CYP2R1: variants seen among roughly 807,000 people sequenced by gnomAD.
The protein encoded by CYP2R1 is vitamin D 25-hydroxylase.
Under a neutral mutation model 45.7 loss-of-function variants are expected in CYP2R1, and 40 were observed. The ratio of observed to expected loss-of-function variants is 0.87; its 90% CI spans 0.68 to 1.14. CYP2R1 has a LOEUF of 1.14. CYP2R1 is among the 50% of genes most tolerant of loss of function. The pLI, the probability that CYP2R1 is intolerant of heterozygous loss-of-function variation, is 0.00. For synonymous variants in CYP2R1, 234 were observed against 219.3 expected (o/e 1.07, Z -0.59); for missense variants, 605 against 602.6 (o/e 1.00, Z -0.04).
intron 2 of CYP2R1, 133 bp downstream of exon 2, chr11:14,885,643 A>G: frequency 1.1e-6 from 1 of 951,726 alleles, no homozygotes; most frequent in East Asian, 2.6e-5. Flanking sequence ...GTCCTCAAAT[A>G]CTAGGTTCTG....
In CYP2R1 at chr11:14,880,206, A is replaced by T; in HGVS notation, c.930T>A (p.Ala310=). ...LIFSVGELII[A]GTETTTNVLR... ...GCACATTGGTTGTAGTTTCAGTTCC[A>T]GCAATGATGAGTTCACCCACTGAGA... Residue 310 remains alanine (A), a synonymous_variant, in exon 3 of 5, where the codon GCT becomes GCA. Transcript: ENST00000334636. The T allele has an allele frequency of 6.2e-7, 1 of 1,613,086 alleles. No homozygotes were observed. Among genetic ancestry groups the T allele is most frequent in the African/African-American group, 1.3e-5 (1 of 75,008 alleles).
chr11:14,890,396 GC>G lies in CYP2R1; in HGVS notation c.225+1584del, dbSNP rs1363388182. ...GAATAAACTCAATTCTGGGAGAATTGCAGGTTGGAAAATAAGATCTAAGAAT... is the reference window on the plus strand; with the variant it reads ...GAATAAACTCAATTCTGGGAGAATTGAGGTTGGAAAATAAGATCTAAGAAT... On this transcript the variant is annotated intron_variant, in intron 1 of 4. Coordinates refer to ENST00000334636, the MANE Select transcript of CYP2R1 (RefSeq NM_024514.5). 29 of 875,880 alleles carry G rather than the reference GC, an allele frequency of 3.3e-5. No individual in the cohort carries two copies. The Admixed American group carries it at 4.3e-4, about 13-fold the overall frequency. 54.3% of individuals were successfully genotyped at this position (875,880 alleles called of 1,614,324 possible). A position where few individuals can be genotyped will look rare whatever the true frequency, so the allele number is the denominator to read the frequency against.
At chr11:14,885,162 T>C (rs1848566792) in intron 2 of CYP2R1, among the ~76,000 whole-genome samples, 1 of 152,218 alleles carries the variant, frequency 6.6e-6, no homozygotes, top group Admixed American at 6.5e-5. Context: ...AAAATTCTTA[T>C]ACTATTAACT....
At chr11:14,891,624 G>T in intron 1 of CYP2R1, 1 of 1,075,776 alleles carries the variant, frequency 9.3e-7, no homozygotes, top group Non-Finnish European at 1.1e-6. Flanking sequence ...CAAGACGCCC[G>T]CACCTGAGGG....
chr11:14,888,310 G>A (rs1555015367), intron 1 of CYP2R1, among the ~76,000 whole-genome samples: 1 of 152,198 alleles, frequency 6.6e-6, no homozygotes, highest in Non-Finnish European at 1.5e-5. Context: ...ACCTAGGACA[G>A]TGCACAGCAT....
Position 14,877,893 on chromosome 11 carries a change from G to T in CYP2R1, c.*229C>A, listed in dbSNP as rs1848215470. On this transcript the variant is annotated 3_prime_UTR_variant, in exon 5 of 5. Coordinates refer to ENST00000334636, the MANE Select transcript of CYP2R1 (RefSeq NM_024514.5). ...GCATTTTAAGCAACACCCATCATTT[G>T]CACCTTTGTGTCTCTCAACAGAGAA... The T allele has an allele frequency of 5.9e-6, 3 of 512,718 alleles. No homozygotes were observed. The highest frequency in any genetic ancestry group is 1.0e-5 in the Non-Finnish European group (3 of 292,774). The allele number at this position is 512,718 out of a possible 1,614,324, so 31.8% of individuals were successfully genotyped here. A position where few individuals can be genotyped will look rare whatever the true frequency, so the allele number is the denominator to read the frequency against.
intron 1 of CYP2R1, 54 bp from the exon 2 acceptor site, chr11:14,885,971 T>C (rs782428542): frequency 7.0e-6 from 11 of 1,566,508 alleles, no homozygotes; most frequent in Non-Finnish European, 9.7e-6. Context: ...TGGAGAAATA[T>C]AACCATGGAA....
At chr11:14,890,916 GC>G (rs1848826689) in intron 1 of CYP2R1, 2 of 985,388 alleles carry the variant, frequency 2.0e-6, no homozygotes, top group South Asian at 4.7e-5. Context: ...TACCACAGTT[GC>G]CAAACATCCC....
In CYP2R1 at chr11:14,892,210, C is replaced by G. The variant is rs942716642; in HGVS notation, c.-5G>C. 10 of 1,608,834 alleles carry G rather than the reference C, an allele frequency of 6.2e-6. No individual in the cohort carries two copies. The highest frequency in any genetic ancestry group is 5.3e-5 in the African/African-American group (4 of 74,856). On this transcript the variant is annotated 5_prime_UTR_variant, in exon 1 of 5. Coordinates refer to ENST00000334636, the MANE Select transcript of CYP2R1 (RefSeq NM_024514.5). ...AGCTCTCCAAAGCTTCCACATCGGCCCGAGCTGGAGGTGCGAACTCCACAG... is the reference window on the plus strand; with the variant it reads ...AGCTCTCCAAAGCTTCCACATCGGCGCGAGCTGGAGGTGCGAACTCCACAG...
At chr11:14,880,836 A>G (rs1848354686) in intron 2 of CYP2R1, 68 bp from the exon 3 acceptor site, 1 of 1,440,872 alleles carries the variant, frequency 6.9e-7, no homozygotes, top group African/African-American at 1.4e-5. Context: ...AAGGGAACAA[A>G]ATTTTTTTAA....
At chr11:14,883,064 C>T (rs1324654959) in intron 2 of CYP2R1, among the ~76,000 whole-genome samples, 1 of 152,198 alleles carries the variant, frequency 6.6e-6, no homozygotes, top group Non-Finnish European at 1.5e-5. Context: ...ACATTCCATG[C>T]TCATGGGTAG....
chr11:14,885,653 GTAAA>G (rs766412473), intron 2 of CYP2R1, 119 bp downstream of exon 2: 20 of 1,064,566 alleles, frequency 1.9e-5, no homozygotes, highest in Non-Finnish European at 2.5e-5. Context: ...ACTAGGTTCT[GTAAA>G]TAAATAGTTT....
chr11:14,878,951 T>C (rs1555010696), intron 4 of CYP2R1, among the ~76,000 whole-genome samples, 163 bp downstream of exon 4: 1 of 152,154 alleles, frequency 6.6e-6, no homozygotes, highest in Non-Finnish European at 1.5e-5. Context: ...AAACAGATGT[T>C]AATTACTTCC....
rs1848333806 is a variant in CYP2R1, at chr11:14,880,448, T to A, written c.688A>T (p.Asn230Tyr). The change falls in exon 3 of 5, where the codon AAT (asparagine) becomes TAT (tyrosine). Residue 230 changes from asparagine to tyrosine, a missense_variant. Transcript: ENST00000334636. The stretch of plus-strand genomic sequence containing the variant: ...AGGATGCCAATCCATGGAAAGGCAT[T>A]ATACAAGAAGACTGAGGCACTGGCA... The part of the protein sequence containing the change: ...LAASASVFLY[N>Y]AFPWIGILPF... The A allele has an allele frequency of 6.2e-7, 1 of 1,613,494 alleles. No individual in the cohort carries two copies. The highest frequency in any genetic ancestry group is 1.3e-5 in the African/African-American group (1 of 75,002).
In CYP2R1 at chr11:14,880,275, A is replaced by G. The variant is rs1848325385; in HGVS notation, c.861T>C (p.Gly287=). 6.2e-7 allele frequency: 1 copy of G among 1,613,180 alleles called. No homozygotes were observed. Among genetic ancestry groups the G allele is most frequent in the Non-Finnish European group, 8.5e-7 (1 of 1,179,472 alleles). The change falls in exon 3 of 5, where the codon GGT becomes GGC. Residue 287 remains glycine, a synonymous_variant. Transcript: ENST00000334636. ...AGAAAGTAGATGATGGGTCATTTTTACCTTGATCCATCTCATCTAAATAAG... is the reference window on the plus strand; with the variant it reads ...AGAAAGTAGATGATGGGTCATTTTTGCCTTGATCCATCTCATCTAAATAAG... ...VDAYLDEMDQ[G]KNDPSSTFSK... is the part of the protein sequence containing the mutation.
rs782819635 is a variant in CYP2R1 at position 14,878,097 on chromosome 11, G to A, written c.*25C>T. On this transcript the variant is annotated 3_prime_UTR_variant, in exon 5 of 5. Coordinates refer to ENST00000334636, the MANE Select transcript of CYP2R1 (RefSeq NM_024514.5). Reference sequence around the variant, plus strand: ...AGGGATAAGGCAAATATACATTCTTGTTCCCGAAAACATCCCAGGCAGTTT... The same window carrying A: ...AGGGATAAGGCAAATATACATTCTTATTCCCGAAAACATCCCAGGCAGTTT... 1.6e-5 allele frequency: 26 copies of A among 1,611,686 alleles called. No homozygotes were observed. In the East Asian group the frequency reaches 5.8e-4, roughly 36 times the overall value.
intron 2 of CYP2R1, among the ~76,000 whole-genome samples, chr11:14,885,249 A>G (rs1460606245): frequency 2.0e-5 from 3 of 152,146 alleles, no homozygotes; most frequent in South Asian, 2.1e-4. Context: ...GATTTTGTCA[A>G]CTTTCAGTCT....
rs782004608 is a variant in CYP2R1 at position 14,885,739 on chromosome 11, T to A, written c.367+37A>T. 5.0e-6 allele frequency: 8 copies of A among 1,593,776 alleles called. No individual in the cohort carries two copies. The East Asian group carries it at 1.8e-4, about 36-fold the overall frequency. Reference sequence around the variant, plus strand: ...AAAATAAGGAATGTGATTTAAAATATCTTAGTAAATCACTAAATAGGTGCA... The same window carrying A: ...AAAATAAGGAATGTGATTTAAAATAACTTAGTAAATCACTAAATAGGTGCA... On this transcript the variant is annotated intron_variant, in intron 2 of 4. Coordinates refer to ENST00000334636, the MANE Select transcript of CYP2R1 (RefSeq NM_024514.5).
Position 14,892,170 on chromosome 11 carries a change from C to A in CYP2R1, c.36G>T (p.Ala12=). Residue 12 remains alanine, a synonymous_variant, in exon 1 of 5, where the codon GCG becomes GCT. Transcript: ENST00000334636. ...GCAGGAAGAGCGCGCCGCCGAGCGC[C>A]GCCGCGCCCTCTTCAGCTCTCCAAA... ...WKLWRAEEGA[A]ALGGALFLLL... 6.2e-7 allele frequency: 1 copy of A among 1,610,814 alleles called. No homozygotes were observed. The highest frequency in any genetic ancestry group is 2.2e-5 in the East Asian group (1 of 44,838).
Sources: allele counts gnomAD v4.1 joint callset (sites outside exome capture counted in the v4.1 genomes callset), GRCh38; gene constraint gnomAD v4.1.1; transcripts MANE v1.5; gene names NCBI Gene and HGNC (gene_info 2026-07-23, HGNC 2026-07-21).